The following PODXL variants were observed in gnomAD, a reference collection of about 807,000 sequenced individuals.
The protein encoded by PODXL is podocalyxin.
In PODXL, 20 loss-of-function variants were observed where a neutral mutation model predicts 48.9. That is an observed-to-expected ratio of 0.41 (90% CI 0.29 to 0.59). The LOEUF (loss-of-function observed/expected upper bound fraction) is 0.59. Ranked by LOEUF, PODXL falls within the 20% of genes least tolerant of loss-of-function variation. The pLI is 0.31. For synonymous variants in PODXL, 295 were observed against 287.4 expected (o/e 1.03, Z -0.27); for missense variants, 606 against 675.1 (o/e 0.90, Z 1.13).
intron 1 of PODXL, among the ~76,000 whole-genome samples, chr7:131,527,060 T>C (rs567736882): frequency 7.2e-5 from 11 of 152,254 alleles, no homozygotes; most frequent in African/African-American, 2.2e-4. Flanking sequence ...ACTGTATCAC[T>C]AGGCACTTAT....
At chr7:131,525,898 A>G (rs1017152280) in intron 1 of PODXL, among the ~76,000 whole-genome samples, 11 of 152,226 alleles carry the variant, frequency 7.2e-5, no homozygotes, top group Admixed American at 2.0e-4. Flanking sequence ...TAGCCCTGTG[A>G]TGCTTGATGA....
chr7:131,539,794 C>CAG (rs1798445253), intron 1 of PODXL, among the ~76,000 whole-genome samples: 1 of 152,172 alleles, frequency 6.6e-6, no homozygotes, highest in African/African-American at 2.4e-5. Flanking sequence ...TGTCCTGGTA[C>CAG]ACTCGGGGCA....
intron 3 of PODXL, 39 bp downstream of exon 3, chr7:131,510,197 G>GCT (rs2116789236): frequency 2.2e-6 from 1 of 447,076 alleles, no homozygotes; most frequent in East Asian, 7.3e-5. Context: ...AAGTAAGTAA[G>GCT]TAAGTAAACA....
intron 1 of PODXL, among the ~76,000 whole-genome samples, chr7:131,546,348 C>T (rs1046639786): frequency 6.6e-6 from 1 of 152,116 alleles, no homozygotes; most frequent in Admixed American, 6.6e-5. Context: ...AGAAAGAGAG[C>T]CAAGAGGTGG....
In PODXL at chr7:131,509,448, T is replaced by C; in HGVS notation, c.940A>G (p.Met314Val). ...GATGCTGCTGTGGGGCTGGAGCTCA[T>C]GGTCTCTGGCAGGGTAGGTGTTCTC... ...ALRTPTLPET[M>V]SSSPTAASTT... Residue 314 changes from methionine to valine, a missense_variant, in exon 4 of 9, where the codon ATG becomes GTG. Transcript: ENST00000378555. The C allele has an allele frequency of 1.9e-6, 3 of 1,614,082 alleles. No individual in the cohort carries two copies. The highest frequency in any genetic ancestry group is 1.1e-5 in the South Asian group (1 of 91,070).
intron 1 of PODXL, among the ~76,000 whole-genome samples, chr7:131,523,076 C>G (rs995644911): frequency 6.6e-6 from 1 of 152,182 alleles, no homozygotes; most frequent in Non-Finnish European, 1.5e-5. Flanking sequence ...TATGGTAACT[C>G]TTTATTTAGT....
intron 1 of PODXL, among the ~76,000 whole-genome samples, chr7:131,543,336 G>A (rs1798513992): frequency 6.6e-6 from 1 of 152,028 alleles, no homozygotes; most frequent in Admixed American, 6.6e-5. Flanking sequence ...ATGTTGCCCA[G>A]GCTGGTCTTG....
chr7:131,513,687 G>A (rs1000275458), intron 1 of PODXL, among the ~76,000 whole-genome samples: 9 of 152,220 alleles, frequency 5.9e-5, no homozygotes, highest in Non-Finnish European at 8.8e-5. Context: ...GTGAGGCCAA[G>A]CACTCATCCT....
At chr7:131,543,643 G>A (rs1028193584) in intron 1 of PODXL, among the ~76,000 whole-genome samples, 4 of 152,102 alleles carry the variant, frequency 2.6e-5, no homozygotes, top group Non-Finnish European at 5.9e-5. Flanking sequence ...ATCCTGTGGG[G>A]TCTGAGTGCC....
chr7:131,556,628 T>A lies in PODXL; in HGVS notation c.-269A>T. ...GGCGTCTGCGCGGCTGCGGCCCCAC[T>A]GGCGGCTGCGGCTACTCCTGGCCCG... On this transcript the variant is annotated 5_prime_UTR_variant, in exon 1 of 9. Transcript: ENST00000378555. 4.6e-6 allele frequency: 1 copy of A among 219,322 alleles called. No homozygotes were observed. The highest frequency in any genetic ancestry group is 8.7e-6 in the Non-Finnish European group (1 of 114,680). The allele number at this position is 219,322 out of a possible 1,614,324, so 13.6% of individuals were successfully genotyped here.
intron 1 of PODXL, among the ~76,000 whole-genome samples, chr7:131,530,759 G>GA (rs886450674): frequency 0.03 from 2,175 of 71,684 alleles, 45 homozygotes; most frequent in African/African-American, 0.078. Flanking sequence ...TCATGTCTCA[G>GA]AAAAAAAAAA....
chr7:131,521,156 T>TAAA (rs1798085989), intron 1 of PODXL, among the ~76,000 whole-genome samples: 2 of 46,062 alleles, frequency 4.3e-5, no homozygotes, highest in African/African-American at 1.1e-4. Context: ...CGACTCCATC[T>TAAA]CAAAAAAAAA....
intron 8 of PODXL, among the ~76,000 whole-genome samples, chr7:131,505,260 G>A (rs140775506): frequency 1.4e-4 from 22 of 152,312 alleles, no homozygotes; most frequent in Non-Finnish European, 3.1e-4. Context: ...AGCTCTGCAA[G>A]GAGGTTATCC....
intron 1 of PODXL, among the ~76,000 whole-genome samples, chr7:131,541,171 G>A (rs376329225): frequency 9.9e-5 from 15 of 152,268 alleles, no homozygotes; most frequent in East Asian, 9.7e-4. Flanking sequence ...CTCTCTGATG[G>A]TCACCCGCTT....
chr7:131,556,180 C>G, intron 1 of PODXL, 80 bp downstream of exon 1: 3 of 1,353,974 alleles, frequency 2.2e-6, no homozygotes, highest in Non-Finnish European at 2.8e-6. Context: ...CGCGGCGCGC[C>G]GGGCTTCCCT....
In PODXL at chr7:131,505,891, G is replaced by A. The variant is rs758993736; in HGVS notation, c.1456C>T (p.Arg486Cys). 24 of 1,569,760 alleles carry A rather than the reference G, an allele frequency of 1.5e-5. No individual in the cohort carries two copies. In the Admixed American group the frequency reaches 3.1e-4, roughly 20 times the overall value. The change falls in exon 8 of 9, where the codon CGC becomes TGC. Residue 486 changes from arginine to cysteine, a missense_variant. By Grantham distance (180) the Arg-to-Cys change is radical. Transcript: ENST00000378555. Reference protein sequence around the residue: ...VAALYGCCHQRLSQRKDQQRL... With the variant: ...VAALYGCCHQCLSQRKDQQRL... ...ACCTGGTCCTTCCTCTGGGAGAGGC[G>A]CTGGTGGCAGCAGCCATAGAGGGCC...
chr7:131,505,117 C>T (rs767208094), intron 8 of PODXL, among the ~76,000 whole-genome samples: 4 of 152,156 alleles, frequency 2.6e-5, no homozygotes, highest in East Asian at 1.9e-4. Flanking sequence ...AAGTTCCCCA[C>T]GGTGTGCAGG....
chr7:131,524,379 C>CAGAGAGAGAGAGATAGAGAG (rs1798143728), intron 1 of PODXL, among the ~76,000 whole-genome samples: 1 of 104,052 alleles, frequency 9.6e-6, no homozygotes, highest in Non-Finnish European at 2.3e-5. Flanking sequence ...CACACACACA[C>CAGAGAGAGAGAGATAGAGAG]AGAGAGAGAG....
Position 131,506,570 on chromosome 7 carries a change from T to C in PODXL, c.1249+9A>G. ...GGCCCCAGCCCAGGCCCCCTTGCCCTCCACTCACTGTGAATAGTGATTTCT... is the reference window on the plus strand; with the variant it reads ...GGCCCCAGCCCAGGCCCCCTTGCCCCCCACTCACTGTGAATAGTGATTTCT... On this transcript the variant is annotated intron_variant, in intron 6 of 8. Transcript: ENST00000378555. The C allele has an allele frequency of 1.2e-6, 2 of 1,613,536 alleles. No individual in the cohort carries two copies. Among genetic ancestry groups the C allele is most frequent in the Non-Finnish European group, 1.7e-6 (2 of 1,179,634 alleles).
Sources: gnomAD v4.1 joint callset for allele counts (sites outside exome capture counted in the v4.1 genomes callset) on GRCh38, gnomAD v4.1.1 for gene constraint, MANE v1.5 for transcripts, NCBI Gene and HGNC (gene_info 2026-07-23, HGNC 2026-07-21) for gene names.